SNRK: variants seen among roughly 807,000 people sequenced by gnomAD.
SNRK encodes SNF related kinase, also known as SNF-related serine/threonine-protein kinase.
Under a neutral mutation model 48.2 loss-of-function variants are expected in SNRK, and 3 were observed. That is an observed-to-expected ratio of 0.06 (90% CI 0.03 to 0.16). The LOEUF is 0.16. Ranked by LOEUF, SNRK falls within the 10% of genes least tolerant of loss-of-function variation. The probability of loss-of-function intolerance (pLI) is 1.00; values close to 1 mark genes in which losing one functional copy is unlikely to be tolerated. For missense variants in SNRK, 627 were observed against 976.0 expected (o/e 0.64, Z 4.76); for synonymous variants, 376 against 366.1 (o/e 1.03, Z -0.31).
At position 43,343,344 on chromosome 3, in the gene SNRK, A is replaced by C; in HGVS notation, c.945A>C (p.Glu315Asp). ...TTTGCTCTCACCTTGTTTTCCTCAG[A>C]GCCCTGGAAACCAACAGGTATAACC... Reference protein sequence around the residue: ...GDIADRDAIVEALETNRYNHI... With the variant: ...GDIADRDAIVDALETNRYNHI... Residue 315 changes from glutamate to aspartate, a missense_variant and splice_region_variant, in exon 6 of 7, where the codon GAA becomes GAC. Physicochemically the swap from Glu to Asp is conservative, Grantham distance 45. This residue lies in a region of SNRK where 175 missense variants were observed against 209.7 expected (regional missense o/e 0.83). Coordinates refer to ENST00000296088, the MANE Select transcript of SNRK (RefSeq NM_017719.5). The C allele has an allele frequency of 6.2e-7, 1 of 1,605,362 alleles. No individual in the cohort carries two copies. Among genetic ancestry groups the C allele is most frequent in the Non-Finnish European group, 8.5e-7 (1 of 1,177,400 alleles).
intron 6 of SNRK, among the ~76,000 whole-genome samples, chr3:43,345,114 T>G (rs1575562505): frequency 6.6e-6 from 1 of 152,122 alleles, no homozygotes; most frequent in Non-Finnish European, 1.5e-5. Flanking sequence ...TAAAAAAAAT[T>G]TAAAAATACC....
chr3:43,324,336 C>T (rs934802109), intron 3 of SNRK, among the ~76,000 whole-genome samples: 1 of 151,928 alleles, frequency 6.6e-6, no homozygotes, highest in Non-Finnish European at 1.5e-5. Flanking sequence ...GGTGAAACCC[C>T]GTCTCTAATA....
At chr3:43,339,162 C>T (rs1485767701) in intron 4 of SNRK, among the ~76,000 whole-genome samples, 1 of 152,184 alleles carries the variant, frequency 6.6e-6, no homozygotes, top group African/African-American at 2.4e-5. Context: ...CAGCTGAAAG[C>T]ACTATAAATT....
chr3:43,343,506 G>GT lies in SNRK; in HGVS notation c.1079+29dup, dbSNP rs781680268. 1.0e-5 allele frequency: 16 copies of GT among 1,576,624 alleles called. 1 individual carries two copies. The South Asian group carries it at 1.1e-4, about 11-fold the overall frequency. On this transcript the variant is annotated intron_variant, in intron 6 of 6. Coordinates refer to ENST00000296088, the MANE Select transcript of SNRK (RefSeq NM_017719.5). ...GAGAAAAAAATCTTCACTGATTTTA[G>GT]TAAGTTTAACGTTTTGAAATAGCGA... is the stretch of plus-strand genomic sequence containing the variant.
chr3:43,320,845 A>G (rs2091048223), intron 3 of SNRK, among the ~76,000 whole-genome samples: 1 of 151,880 alleles, frequency 6.6e-6, no homozygotes, highest in African/African-American at 2.4e-5. Context: ...TTTGCTTTAG[A>G]TCTAGAAAGG....
rs934774055 is a variant in SNRK at position 43,330,638 on chromosome 3, A to G, written c.590-1531A>G. Among the ~76,000 whole-genome samples, 9 of 152,248 alleles carry G rather than the reference A, an allele frequency of 5.9e-5. No homozygotes were observed. The South Asian group carries it at 1.0e-3, about 17-fold the overall frequency. On this transcript the variant is annotated intron_variant, in intron 3 of 6. Transcript: ENST00000296088. ...TGTGACTAGTCGCCATTATTAAGAT[A>G]TGTTTGATTTTTGAATGGGGATGGC... is the stretch of plus-strand genomic sequence containing the variant.
chr3:43,300,074 A>G (rs2090887515), intron 2 of SNRK, among the ~76,000 whole-genome samples: 1 of 152,176 alleles, frequency 6.6e-6, no homozygotes, highest in African/African-American at 2.4e-5. Flanking sequence ...GTTCTTAGCT[A>G]TACAATTTAA....
intron 1 of SNRK, 131 bp from the exon 2 acceptor site, chr3:43,299,623 G>A (rs1293273221): frequency 6.6e-6 from 1 of 152,604 alleles, no homozygotes; most frequent in Non-Finnish European, 1.5e-5. Flanking sequence ...ATAGGAGACT[G>A]GGTTACTAAA....
intron 4 of SNRK, chr3:43,333,034 C>T (rs2091158634): frequency 6.6e-6 from 1 of 152,082 alleles, no homozygotes; most frequent in Non-Finnish European, 1.5e-5. Flanking sequence ...TTTTGAGTTT[C>T]TCCTATCAGC....
chr3:43,287,888 C>T (rs892714944), intron 1 of SNRK, among the ~76,000 whole-genome samples: 1 of 152,094 alleles, frequency 6.6e-6, no homozygotes, highest in African/African-American at 2.4e-5. Context: ...TAAAATAATT[C>T]CCTTAAGGAA....
At chr3:43,302,629 A>C (rs1041395961) in intron 2 of SNRK, among the ~76,000 whole-genome samples, 8 of 151,488 alleles carry the variant, frequency 5.3e-5, no homozygotes, top group Non-Finnish European at 1.0e-4. Context: ...AGAAACCTTC[A>C]CAGAATGGAT....
Position 43,305,028 on chromosome 3 carries a change from C to T in SNRK, c.589+1236C>T, listed in dbSNP as rs181510895. On this transcript the variant is annotated intron_variant, in intron 3 of 6. Transcript: ENST00000296088. ...GTCTACCCAAGAAAAAATCTTCACC[C>T]TCATTAGTGCAGATTTAATAAGAGT... 2.4e-3 allele frequency among the ~76,000 whole-genome samples: 367 copies of T among 152,008 alleles called. 1 individual carries two copies. Among genetic ancestry groups the T allele is most frequent in the African/African-American group, 8.4e-3 (350 of 41,440 alleles).
intron 3 of SNRK, among the ~76,000 whole-genome samples, chr3:43,305,206 A>G (rs1176664170): frequency 1.3e-5 from 2 of 152,202 alleles, no homozygotes; most frequent in Non-Finnish European, 2.9e-5. Context: ...GTTTGGCAAT[A>G]TCTGGTAAAG....
chr3:43,343,588 G>A, intron 6 of SNRK, 110 bp downstream of exon 6: 1 of 1,208,742 alleles, frequency 8.3e-7, no homozygotes, highest in Middle Eastern at 2.8e-4. Flanking sequence ...AGTACAAACA[G>A]TGATGACGGC....
chr3:43,327,038 G>C (rs2091102035), intron 3 of SNRK, among the ~76,000 whole-genome samples: 1 of 152,170 alleles, frequency 6.6e-6, no homozygotes, highest in African/African-American at 2.4e-5. Flanking sequence ...TATGCTGTTA[G>C]TTCAGATGAT....
At position 43,316,627 on chromosome 3, in the gene SNRK, T is replaced by A. The variant is rs76008845; in HGVS notation, c.589+12835T>A. ...TGATGTTGATAATTGGAGCTTAATT[T>A]TTTTTTTCTTCCCTGCCTCCCATTT... is the stretch of plus-strand genomic sequence containing the variant. On this transcript the variant is annotated intron_variant, in intron 3 of 6. Transcript: ENST00000296088. Among the ~76,000 whole-genome samples the A allele has an allele frequency of 1.1e-4, 17 of 152,300 alleles. No individual in the cohort carries two copies. In the East Asian group the frequency reaches 2.7e-3, roughly 24 times the overall value.
At chr3:43,307,240 AGT>A (rs2090944642) in intron 3 of SNRK, among the ~76,000 whole-genome samples, 2 of 152,314 alleles carry the variant, frequency 1.3e-5, no homozygotes, top group Middle Eastern at 3.4e-3. Context: ...TTACATGATG[AGT>A]TATACCTTTT....
intron 4 of SNRK, among the ~76,000 whole-genome samples, chr3:43,339,195 A>G (rs542766290): frequency 6.6e-6 from 1 of 152,346 alleles, no homozygotes; most frequent in East Asian, 1.9e-4. Flanking sequence ...CCACACAGAT[A>G]TCATTAGTTT....
chr3:43,328,870 C>T (rs1331540721), intron 3 of SNRK, among the ~76,000 whole-genome samples: 2 of 152,158 alleles, frequency 1.3e-5, no homozygotes, highest in Non-Finnish European at 2.9e-5. Context: ...GCATCTCTTA[C>T]TCATCTCTGT....
Sources: gnomAD v4.1 joint callset for allele counts (sites outside exome capture counted in the v4.1 genomes callset) on GRCh38, gnomAD v4.1.1 for gene constraint, gnomAD v4.1.1 regional missense constraint, MANE v1.5 for transcripts, NCBI Gene and HGNC (gene_info 2026-07-23, HGNC 2026-07-21) for gene names.